ARFGEF3: variants seen among roughly 807,000 people sequenced by gnomAD.
ARFGEF3 encodes brefeldin A-inhibited guanine nucleotide-exchange protein 3.
Under a neutral mutation model 221.7 loss-of-function variants are expected in ARFGEF3, and 96 were observed. The ratio of observed to expected loss-of-function variants is 0.43; its 90% CI spans 0.37 to 0.51. The LOEUF (loss-of-function observed/expected upper bound fraction) is 0.51, where lower values mean the gene tolerates loss of function less well. Among genes scored for constraint, ARFGEF3 ranks in the 20% least tolerant of loss-of-function variants. The pLI, the probability that ARFGEF3 is intolerant of heterozygous loss-of-function variation, is 0.00. For missense variants in ARFGEF3, 2,410 were observed against 2,789.9 expected (o/e 0.86, Z 3.07); for synonymous variants, 1,145 against 1,126.8 (o/e 1.02, Z -0.32).
At chr6:138,247,637 G>T (rs1051981881) in intron 8 of ARFGEF3, among the ~76,000 whole-genome samples, 4 of 152,168 alleles carry the variant, frequency 2.6e-5, no homozygotes, top group Admixed American at 1.3e-4. Flanking sequence ...GATTACCTGG[G>T]TTAAAACCCA....
At chr6:138,223,268 C>A (rs1230487356) in intron 4 of ARFGEF3, among the ~76,000 whole-genome samples, 2 of 152,150 alleles carry the variant, frequency 1.3e-5, no homozygotes, top group South Asian at 2.1e-4. Context: ...TGGAGTGTTT[C>A]TAAAGAGAAG....
At chr6:138,258,715 T>C (rs1345250073) in intron 10 of ARFGEF3, among the ~76,000 whole-genome samples, 1 of 152,238 alleles carries the variant, frequency 6.6e-6, no homozygotes, top group Non-Finnish European at 1.5e-5. Flanking sequence ...ACTATAATGC[T>C]TGAATCAGAA....
At chr6:138,208,819 G>T (rs1019713799) in intron 3 of ARFGEF3, among the ~76,000 whole-genome samples, 9 of 152,194 alleles carry the variant, frequency 5.9e-5, no homozygotes. Context: ...AAGCACAAGT[G>T]AAACCTTATC....
At chr6:138,316,444 A>G (rs975300893) in intron 26 of ARFGEF3, among the ~76,000 whole-genome samples, 3 of 152,212 alleles carry the variant, frequency 2.0e-5, no homozygotes, top group Non-Finnish European at 4.4e-5. Flanking sequence ...ACATATACAG[A>G]TATACATATG....
rs1780295993 is a variant in ARFGEF3, at chr6:138,334,982, A to G, written c.6136A>G (p.Lys2046Glu). ...HNLSAFPKEV[K>E]VEKKGEPLGP... Reference sequence around the variant, plus strand: ...CCTGTCCGCGTTCCCCAAAGAGGTCAAAGTGGAGAAGAAAGGAGAGCCACT... The same window carrying G: ...CCTGTCCGCGTTCCCCAAAGAGGTCGAAGTGGAGAAGAAAGGAGAGCCACT... Residue 2046 changes from lysine to glutamate, a missense_variant, in exon 33 of 34, where the codon AAA (lysine) becomes GAA (glutamate). By Grantham distance (56) the Lys-to-Glu change is moderately conservative (BLOSUM62 1). Coordinates refer to ENST00000251691, the MANE Select transcript of ARFGEF3 (RefSeq NM_020340.5). This position sits in a 1 kb window ranked among gnomAD's most constrained non-coding sequence, Gnocchi z 5.1. 2 of 1,585,802 alleles carry G rather than the reference A, an allele frequency of 1.3e-6. No individual in the cohort carries two copies. Among genetic ancestry groups the G allele is most frequent in the Non-Finnish European group, 1.7e-6 (2 of 1,166,804 alleles).
intron 5 of ARFGEF3, among the ~76,000 whole-genome samples, chr6:138,235,181 T>G (rs1168517839): frequency 6.6e-6 from 1 of 152,234 alleles, no homozygotes; most frequent in East Asian, 1.9e-4. Flanking sequence ...GTTTTCTTGT[T>G]CTTTTTCCTT....
chr6:138,264,610 G>A (rs1206769121), intron 12 of ARFGEF3, among the ~76,000 whole-genome samples: 3 of 152,162 alleles, frequency 2.0e-5, no homozygotes, highest in Non-Finnish European at 4.4e-5. Flanking sequence ...TGTGCTTGGT[G>A]CATTTATCAC....
At chr6:138,172,325 T>G (rs1378197025) in intron 2 of ARFGEF3, among the ~76,000 whole-genome samples, 1 of 152,232 alleles carries the variant, frequency 6.6e-6, no homozygotes. Context: ...TTCTTAAAAC[T>G]GATTTGCTTC....
chr6:138,265,661 A>T (rs1410861089), intron 12 of ARFGEF3, among the ~76,000 whole-genome samples: 2 of 152,052 alleles, frequency 1.3e-5, no homozygotes. Context: ...TCTCAGACAC[A>T]CCCACCCAAA....
intron 12 of ARFGEF3, among the ~76,000 whole-genome samples, chr6:138,270,991 G>A (rs1778994948): frequency 6.6e-6 from 1 of 152,216 alleles, no homozygotes. Flanking sequence ...GTCAGTGAAT[G>A]TGGCCATGTC....
chr6:138,243,557 A>G (rs1049062243), intron 7 of ARFGEF3, among the ~76,000 whole-genome samples: 1 of 152,232 alleles, frequency 6.6e-6, no homozygotes, highest in Non-Finnish European at 1.5e-5. Flanking sequence ...ATTTTTAAAA[A>G]CAGGTTTGAT....
At chr6:138,228,430 G>A (rs531715972) in intron 4 of ARFGEF3, among the ~76,000 whole-genome samples, 2 of 150,128 alleles carry the variant, frequency 1.3e-5, no homozygotes, top group African/African-American at 4.9e-5. Context: ...CAAGTGATCC[G>A]CCCACCTCAG....
intron 2 of ARFGEF3, 43 bp from the exon 3 acceptor site, chr6:138,206,999 C>A: frequency 6.6e-7 from 1 of 1,524,860 alleles, no homozygotes; most frequent in Non-Finnish European, 9.0e-7. Context: ...TGACTGCCAG[C>A]TTTACTGAGC....
Position 138,263,494 on chromosome 6 carries a change from C to G in ARFGEF3, c.2011C>G (p.His671Asp). The change falls in exon 12 of 34, where the codon CAC becomes GAC. Residue 671 changes from histidine (H) to aspartate (D), a missense_variant. Physicochemically the swap from His to Asp is moderately conservative, Grantham distance 81 (BLOSUM62 -1). Transcript: ENST00000251691. ...GCTGAAGAACCAGGAGGCGGATCAG[C>G]ACAGCGCCAGGCTGTTCATACAGTC... ...KLLKNQEADQ[H>D]SARLFIQSLE... 6.2e-7 allele frequency: 1 copy of G among 1,613,870 alleles called. No individual in the cohort carries two copies. Among genetic ancestry groups the G allele is most frequent in the Admixed American group, 1.7e-5 (1 of 60,032 alleles).
At chr6:138,179,361 AC>A in intron 2 of ARFGEF3, among the ~76,000 whole-genome samples, 1 of 152,256 alleles carries the variant, frequency 6.6e-6, no homozygotes, top group Admixed American at 6.5e-5. Flanking sequence ...CCTAGCCATA[AC>A]CCAGCCATTT....
Position 138,162,190 on chromosome 6 carries a change from C to T in ARFGEF3, c.85+19C>T, listed in dbSNP as rs1048534375. On this transcript the variant is annotated intron_variant, in intron 1 of 33. Coordinates refer to ENST00000251691, the MANE Select transcript of ARFGEF3 (RefSeq NM_020340.5). The surrounding 1 kb of genome is among the most constrained non-coding windows in gnomAD (Gnocchi z 4.7). ...GCCCTGGGTAAGCGTCCGGCACCTG[C>T]TCGCCGCGGCGGGAGGGCCGCGCGG... is the stretch of plus-strand genomic sequence containing the variant. 6.3e-7 allele frequency: 1 copy of T among 1,582,902 alleles called. No individual in the cohort carries two copies. Among genetic ancestry groups the T allele is most frequent in the South Asian group, 1.1e-5 (1 of 89,090 alleles).
chr6:138,205,766 G>C (rs1777614465), intron 2 of ARFGEF3, among the ~76,000 whole-genome samples: 1 of 152,170 alleles, frequency 6.6e-6, no homozygotes, highest in East Asian at 1.9e-4. Context: ...TGTAACATTG[G>C]GTTGTTGAGG....
intron 2 of ARFGEF3, 110 bp downstream of exon 2, chr6:138,170,823 A>G: frequency 4.5e-6 from 3 of 663,044 alleles, no homozygotes; most frequent in Non-Finnish European, 2.7e-6. Flanking sequence ...CTGCTATAAC[A>G]GAATACTACA....
intron 6 of ARFGEF3, among the ~76,000 whole-genome samples, chr6:138,239,578 G>A (rs571897636): frequency 6.6e-6 from 1 of 151,546 alleles, no homozygotes; most frequent in African/African-American, 2.4e-5. Flanking sequence ...GAACTCAGGA[G>A]GTGGAGGTTG....
Sources: gnomAD v4.1 joint callset for allele counts (sites outside exome capture counted in the v4.1 genomes callset) on GRCh38, gnomAD v4.1.1 for gene constraint, Gnocchi (gnomAD v3.1) non-coding constraint, MANE v1.5 for transcripts, NCBI Gene and HGNC (gene_info 2026-07-23, HGNC 2026-07-21) for gene names.